Variants in SIPA1L3 observed in about 807,000 individuals in gnomAD.
SIPA1L3 encodes signal-induced proliferation-associated 1-like protein 3.
In SIPA1L3, 59 loss-of-function variants were observed where a neutral mutation model predicts 150.1. That is an observed-to-expected ratio of 0.39 (90% CI 0.32 to 0.49). The LOEUF (loss-of-function observed/expected upper bound fraction) is 0.49, where lower values mean the gene tolerates loss of function less well. Among genes scored for constraint, SIPA1L3 ranks in the 20% least tolerant of loss-of-function variants. SIPA1L3 has a pLI of 0.86. For missense variants in SIPA1L3, 2,211 were observed against 2,489.5 expected (o/e 0.89, Z 2.38); for synonymous variants, 1,070 against 1,077.6 (o/e 0.99, Z 0.14).
chr19:38,008,704 A>G (rs2145675716), intron 1 of SIPA1L3, among the ~76,000 whole-genome samples: 1 of 151,802 alleles, frequency 6.6e-6, no homozygotes, highest in East Asian at 1.9e-4. Flanking sequence ...CTACAGGTGC[A>G]TGCCACCAGG....
At chr19:38,024,970 CCT>C (rs1217176443) in intron 1 of SIPA1L3, among the ~76,000 whole-genome samples, 2 of 152,148 alleles carry the variant, frequency 1.3e-5, no homozygotes, top group Non-Finnish European at 2.9e-5. Context: ...GGAATTTACC[CCT>C]CTTTATTTCC....
In SIPA1L3 at chr19:38,158,334, T is replaced by C. The variant is rs142742850; in HGVS notation, c.3662-3919T>C. 5.7e-4 allele frequency among the ~76,000 whole-genome samples: 87 copies of C among 152,266 alleles called. 1 individual carries two copies. The highest frequency in any genetic ancestry group is 2.0e-3 in the African/African-American group (84 of 41,546). On this transcript the variant is annotated intron_variant, in intron 13 of 21. Transcript: ENST00000222345. ...CACATTTCAGGTGAGGTTGGAATAA[T>C]GCAAAGAAGTCAGTGGGGATGAGAA...
intron 4 of SIPA1L3, among the ~76,000 whole-genome samples, chr19:38,098,960 C>CCTTTT (rs1165075544): frequency 9.2e-5 from 14 of 152,132 alleles, no homozygotes; most frequent in Non-Finnish European, 1.3e-4. Context: ...CTTGTCTTGT[C>CCTTTT]CTTTTCTTTT....
chr19:38,145,016 G>A (rs1008111444), intron 12 of SIPA1L3, among the ~76,000 whole-genome samples: 8 of 152,246 alleles, frequency 5.3e-5, no homozygotes, highest in African/African-American at 1.4e-4. Context: ...GGGTGTGTGC[G>A]GGACATGGGG....
At chr19:38,022,805 C>T (rs566598161) in intron 1 of SIPA1L3, among the ~76,000 whole-genome samples, 1 of 152,310 alleles carries the variant, frequency 6.6e-6, no homozygotes, top group East Asian at 1.9e-4. Flanking sequence ...GTGCTTCAAC[C>T]CAGAAAGAAT....
intron 1 of SIPA1L3, among the ~76,000 whole-genome samples, chr19:37,993,001 G>A (rs1255289512): frequency 1.3e-5 from 2 of 152,324 alleles, no homozygotes; most frequent in Middle Eastern, 3.4e-3. Context: ...CCTCAGACTC[G>A]CTGGGTCAGT....
intron 1 of SIPA1L3, among the ~76,000 whole-genome samples, chr19:37,984,902 T>C (rs1324291965): frequency 2.0e-5 from 3 of 152,214 alleles, no homozygotes; most frequent in African/African-American, 7.2e-5. Context: ...AGTCAAGATT[T>C]GTGGATTCCT....
chr19:37,993,248 C>T (rs918134839), intron 1 of SIPA1L3, among the ~76,000 whole-genome samples: 3 of 152,112 alleles, frequency 2.0e-5, no homozygotes, highest in Non-Finnish European at 2.9e-5. Context: ...GTGGGGATCA[C>T]GAGATGATCT....
Position 38,193,738 on chromosome 19 carries a change from G to A in SIPA1L3, c.4798G>A (p.Gly1600Ser), listed in dbSNP as rs199844337. The A allele has an allele frequency of 6.2e-5, 98 of 1,571,138 alleles. No homozygotes were observed. The African/African-American group carries it at 8.9e-4, about 14-fold the overall frequency. ...HQHPHPPVGP[G>S]ATPAAGSGFP... ...GCACCCCCACCCGCCCGTCGGCCCC[G>A]GTGCCACCCCTGCCGCCGGCAGCGG... is the stretch of plus-strand genomic sequence containing the variant. The change falls in exon 18 of 22, where the codon GGT (glycine) becomes AGT (serine). Residue 1600 changes from glycine to serine, a missense_variant. By Grantham distance (56) the Gly-to-Ser change is moderately conservative. Around this residue, in one of 5 missense-constraint regions of SIPA1L3, gnomAD observed 806 missense variants for 870.1 expected, o/e 0.93. Coordinates refer to ENST00000222345, the MANE Select transcript of SIPA1L3 (RefSeq NM_015073.3).
At chr19:38,019,682 A>G (rs1217676525) in intron 1 of SIPA1L3, among the ~76,000 whole-genome samples, 5 of 152,210 alleles carry the variant, frequency 3.3e-5, no homozygotes, top group African/African-American at 1.2e-4. Flanking sequence ...TTAAGTGACC[A>G]GAATCAGAGC....
chr19:38,162,256 C>G lies in SIPA1L3; in HGVS notation c.3665C>G (p.Pro1222Arg), dbSNP rs1249418153. 6.2e-7 allele frequency: 1 copy of G among 1,613,906 alleles called. No homozygotes were observed. ...ESTMERQKPE[P>R]LWHVPAQARL... ...TGTGTCTCCTGTTTTCCTACAGAGC[C>G]TTTGTGGCATGTGCCTGCCCAGGCC... The change falls in exon 14 of 22, where the codon CCT (proline) becomes CGT (arginine). Residue 1222 changes from proline (P) to arginine (R), a missense_variant. By Grantham distance (103) the Pro-to-Arg change is moderately radical (BLOSUM62 -2). Transcript: ENST00000222345.
In SIPA1L3 at chr19:38,113,606, C is replaced by CA. The variant is rs539664508; in HGVS notation, c.2291+3233dup. Among the ~76,000 whole-genome samples the CA allele has an allele frequency of 4.5e-3, 644 of 142,824 alleles. 7 individuals carry two copies. The highest frequency in any genetic ancestry group is 0.027 in the East Asian group (134 of 4,922). The allele number at this position is 142,824 out of a possible 152,430, so 93.7% of individuals were successfully genotyped here. A position where few individuals can be genotyped will look rare whatever the true frequency, so the allele number is the denominator to read the frequency against. On this transcript the variant is annotated intron_variant, in intron 8 of 21. Transcript: ENST00000222345. ...CCTGGGTGACAGAGCAAGACTCTCT[C>CA]AAAAAAAAAAACCAAAAAAAACGGA... is the stretch of plus-strand genomic sequence containing the variant.
chr19:38,020,826 G>C (rs1968357692), intron 1 of SIPA1L3, among the ~76,000 whole-genome samples: 1 of 148,830 alleles, frequency 6.7e-6, no homozygotes, highest in African/African-American at 2.5e-5. Context: ...TTTGTTTTTT[G>C]AGATGGAGTC....
chr19:38,066,768 G>A (rs1009160552), intron 2 of SIPA1L3, among the ~76,000 whole-genome samples: 6 of 151,564 alleles, frequency 4.0e-5, no homozygotes, highest in African/African-American at 1.5e-4. Context: ...AGAGGTTTCA[G>A]TGAGCCGAGA....
chr19:38,148,654 G>A (rs926824330), intron 12 of SIPA1L3, among the ~76,000 whole-genome samples: 14 of 152,204 alleles, frequency 9.2e-5, no homozygotes, highest in East Asian at 3.9e-4. Context: ...CTCTCTGCCC[G>A]GCGAGGCTCC....
chr19:37,929,710 G>T (rs945894773), intron 1 of SIPA1L3, among the ~76,000 whole-genome samples: 3 of 152,106 alleles, frequency 2.0e-5, no homozygotes, highest in African/African-American at 7.2e-5. Flanking sequence ...TTCCCCCTCT[G>T]AGGGCTGTTC....
chr19:38,079,176 C>T (rs1969921316), intron 2 of SIPA1L3, among the ~76,000 whole-genome samples: 1 of 152,082 alleles, frequency 6.6e-6, no homozygotes, highest in African/African-American at 2.4e-5. Context: ...ACTAAAAATA[C>T]AAAAAAATTA....
chr19:38,164,454 A>G lies in SIPA1L3; in HGVS notation c.3781-25A>G. 7.0e-6 allele frequency: 11 copies of G among 1,577,142 alleles called. No homozygotes were observed. The highest frequency in any genetic ancestry group is 9.5e-6 in the Non-Finnish European group (11 of 1,155,388). On this transcript the variant is annotated intron_variant, in intron 14 of 21. Transcript: ENST00000222345. This position sits in a 1 kb window ranked among gnomAD's most constrained non-coding sequence, Gnocchi z 4.1. ...TGCGCCCCTGCCCTGGAGTCTGGGA[A>G]TGACACGCTTCTCTTGCCTCTCAGG...
chr19:38,117,796 T>C (rs559108540), intron 8 of SIPA1L3, among the ~76,000 whole-genome samples: 2 of 151,812 alleles, frequency 1.3e-5, no homozygotes, highest in African/African-American at 4.8e-5. Flanking sequence ...CATTTTCTCT[T>C]TTTTTTTGAC....
Sources: allele counts gnomAD v4.1 joint callset (sites outside exome capture counted in the v4.1 genomes callset), GRCh38; gene constraint gnomAD v4.1.1; regional missense constraint gnomAD v4.1.1; non-coding constraint Gnocchi (gnomAD v3.1); transcripts MANE v1.5; gene names NCBI Gene and HGNC (gene_info 2026-07-23, HGNC 2026-07-21).